The following TRPS1 variants were observed in gnomAD, a reference collection of about 807,000 sequenced individuals.
TRPS1 encodes transcriptional repressor GATA binding 1.
Under a neutral mutation model 101.2 loss-of-function variants are expected in TRPS1, and 6 were observed. The observed-to-expected ratio is 0.06, with a 90% confidence interval of 0.03 to 0.12. The LOEUF (loss-of-function observed/expected upper bound fraction) is 0.12. TRPS1 is among the 10% of genes least tolerant of loss of function. TRPS1 has a pLI of 1.00. For synonymous variants in TRPS1, 578 were observed against 589.8 expected, an observed-to-expected ratio of 0.98 and a Z score of 0.29; for missense variants, 1,363 against 1,567.0, an observed-to-expected ratio of 0.87 and a Z score of 2.20.
chr8:115,637,278 C>T (rs1818792082), intron 1 of TRPS1: 1 of 985,214 alleles, frequency 1.0e-6, no homozygotes, highest in South Asian at 4.7e-5. Context: ...AATCTTGAAT[C>T]CCAGTTGATG....
chr8:115,600,984 A>G (rs1427286863), intron 4 of TRPS1, among the ~76,000 whole-genome samples: 3 of 152,154 alleles, frequency 2.0e-5, no homozygotes, highest in Admixed American at 2.0e-4. Context: ...GTTGCTGACT[A>G]GATCATGTTT....
intron 5 of TRPS1, among the ~76,000 whole-genome samples, chr8:115,424,542 G>A (rs1156701287): frequency 6.6e-6 from 1 of 152,164 alleles, no homozygotes; most frequent in Non-Finnish European, 1.5e-5. Flanking sequence ...TGGAGCTAAA[G>A]CAACACAAAC....
At chr8:115,613,537 C>T (rs926867510) in intron 3 of TRPS1, among the ~76,000 whole-genome samples, 21 of 152,298 alleles carry the variant, frequency 1.4e-4, no homozygotes, top group Admixed American at 7.2e-4. Context: ...GGCCATATAT[C>T]AGTGTGGTTG....
At chr8:115,586,917 A>C in intron 5 of TRPS1, 84 bp downstream of exon 5, 1 of 1,600,154 alleles carries the variant, frequency 6.2e-7, no homozygotes, top group Non-Finnish European at 8.5e-7. Context: ...CTTCACACAC[A>C]ACACAATCCT....
chr8:115,576,290 T>C (rs979069196), intron 5 of TRPS1, among the ~76,000 whole-genome samples: 3 of 136,412 alleles, frequency 2.2e-5, no homozygotes, highest in African/African-American at 2.7e-5. Context: ...TATATATATA[T>C]AGATATAGAT....
chr8:115,486,918 T>C (rs1398241090), intron 5 of TRPS1, among the ~76,000 whole-genome samples: 1 of 152,202 alleles, frequency 6.6e-6, no homozygotes, highest in Non-Finnish European at 1.5e-5. Flanking sequence ...TTGATGAAGA[T>C]AGCTGCAATA....
chr8:115,487,688 T>C (rs1042694492), intron 5 of TRPS1, among the ~76,000 whole-genome samples: 6 of 152,186 alleles, frequency 3.9e-5, no homozygotes, highest in African/African-American at 1.4e-4. Context: ...TTGGTGGAAA[T>C]AGCAAGATAA....
At chr8:115,609,886 G>A (rs759887607) in intron 3 of TRPS1, among the ~76,000 whole-genome samples, 4 of 152,006 alleles carry the variant, frequency 2.6e-5, no homozygotes, top group South Asian at 2.1e-4. Flanking sequence ...ATGTTTTACC[G>A]TAGAAGTGAA....
chr8:115,641,642 G>T (rs1214599273), intron 1 of TRPS1, among the ~76,000 whole-genome samples: 1 of 152,146 alleles, frequency 6.6e-6, no homozygotes, highest in Non-Finnish European at 1.5e-5. Flanking sequence ...TCATTTGGGA[G>T]GCCAGGGCAG....
In TRPS1 at chr8:115,604,497, C is replaced by T. The variant is rs1044002684; in HGVS notation, c.1472G>A (p.Gly491Asp). 2 of 1,613,950 alleles carry T rather than the reference C, an allele frequency of 1.2e-6. No individual in the cohort carries two copies. Among genetic ancestry groups the T allele is most frequent in the Non-Finnish European group, 1.7e-6 (2 of 1,179,986 alleles). The change falls in exon 4 of 7, where the codon GGC becomes GAC. Residue 491 changes from glycine (G) to aspartate (D), a missense_variant. By Grantham distance (94) the Gly-to-Asp change is moderately conservative (BLOSUM62 -1). Around this residue, in one of 5 missense-constraint regions of TRPS1, gnomAD observed 1,020 missense variants for 1,073.0 expected, o/e 0.95. Coordinates refer to ENST00000395715, the MANE Select transcript of TRPS1 (RefSeq NM_014112.5). This position sits in a 1 kb window ranked among gnomAD's most constrained non-coding sequence, Gnocchi z 4.1. ...NPELNDKLSR[G>D]SVINQNDLAK... The stretch of plus-strand genomic sequence containing the variant: ...TAGATCATTCTGATTAATGACAGAG[C>T]CCCTGGAAAGCTTATCATTTAACTC...
In TRPS1 at chr8:115,587,074, G is replaced by A. The variant is rs751298577; in HGVS notation, c.2627C>T (p.Ser876Phe). 8.7e-6 allele frequency: 14 copies of A among 1,614,048 alleles called. No homozygotes were observed. The highest frequency in any genetic ancestry group is 7.7e-5 in the South Asian group (7 of 91,090). Residue 876 changes from serine to phenylalanine, a missense_variant, in exon 5 of 7, where the codon TCT becomes TTT. By Grantham distance (155) the Ser-to-Phe change is radical (BLOSUM62 -2). Transcript: ENST00000395715. ...AGGATACTGCTGGGGGAGGGCCCCAGACTTCTCTCCGCCAGCTGGCGCCCC... is the reference window on the plus strand; with the variant it reads ...AGGATACTGCTGGGGGAGGGCCCCAAACTTCTCTCCGCCAGCTGGCGCCCC... ...LQGAPAGGEK[S>F]GALPQQYPAS...
chr8:115,482,208 T>C (rs1450875496), intron 5 of TRPS1, among the ~76,000 whole-genome samples: 1 of 152,188 alleles, frequency 6.6e-6, no homozygotes, highest in African/African-American at 2.4e-5. Flanking sequence ...ATTCATTCAA[T>C]GAGGGCAAAA....
intron 3 of TRPS1, among the ~76,000 whole-genome samples, chr8:115,611,958 T>C (rs1253279575): frequency 1.3e-5 from 2 of 152,096 alleles, no homozygotes; most frequent in Non-Finnish European, 2.9e-5. Flanking sequence ...AATTAGATGA[T>C]ATGCTTTTCA....
In TRPS1 at chr8:115,448,669, A is replaced by G. The variant is rs534915734; in HGVS notation, c.2701-30217T>C. Among the ~76,000 whole-genome samples the G allele has an allele frequency of 2.0e-3, 303 of 152,314 alleles. 3 individuals are homozygous for G. The highest frequency in any genetic ancestry group is 1.0e-3 in the South Asian group (5 of 4,830). ...CACAACTTTGAGAGGCTGGTCACTCATTTCAAGTATGTTCTATAGGAACTG... is the reference window on the plus strand; with the variant it reads ...CACAACTTTGAGAGGCTGGTCACTCGTTTCAAGTATGTTCTATAGGAACTG... On this transcript the variant is annotated intron_variant, in intron 5 of 6. Transcript: ENST00000395715.
intron 5 of TRPS1, among the ~76,000 whole-genome samples, chr8:115,500,355 G>A (rs1047713891): frequency 6.6e-6 from 1 of 151,866 alleles, no homozygotes; most frequent in African/African-American, 2.4e-5. Context: ...AAAAAGTTCA[G>A]GGTCATTCGT....
At chr8:115,548,655 G>A (rs912823546) in intron 5 of TRPS1, among the ~76,000 whole-genome samples, 1 of 152,172 alleles carries the variant, frequency 6.6e-6, no homozygotes, top group African/African-American at 2.4e-5. Flanking sequence ...AGAGAAAGAA[G>A]CCAGCCAGAA....
intron 5 of TRPS1, among the ~76,000 whole-genome samples, chr8:115,438,723 C>A (rs923102813): frequency 2.6e-5 from 4 of 152,192 alleles, no homozygotes; most frequent in Admixed American, 1.3e-4. Flanking sequence ...TTCTGCCTCC[C>A]TCCCTCTCCC....
At chr8:115,637,008 T>C (rs1818783651) in intron 1 of TRPS1, among the ~76,000 whole-genome samples, 1 of 152,156 alleles carries the variant, frequency 6.6e-6, no homozygotes, top group South Asian at 2.1e-4. Context: ...ATATTTCTAT[T>C]ATTTCTTTCG....
intron 3 of TRPS1, 68 bp downstream of exon 3, chr8:115,619,064 G>A: frequency 6.4e-7 from 1 of 1,564,020 alleles, no homozygotes; most frequent in East Asian, 2.4e-5. Context: ...GTTTTAACAT[G>A]AATATAAGAA....
Sources: allele counts gnomAD v4.1 joint callset (sites outside exome capture counted in the v4.1 genomes callset), GRCh38; gene constraint gnomAD v4.1.1; regional missense constraint gnomAD v4.1.1; non-coding constraint Gnocchi (gnomAD v3.1); transcripts MANE v1.5; gene names NCBI Gene and HGNC (gene_info 2026-07-23, HGNC 2026-07-21).